The following CHST15 variants were observed in gnomAD, a reference collection of about 807,000 sequenced individuals.
CHST15 encodes B cell RAG associated protein (GALNAC4S-6ST).
CHST15 carries 30 observed loss-of-function variants against 53.6 expected under a neutral mutation model. The ratio of observed to expected loss-of-function variants is 0.56; its 90% CI spans 0.42 to 0.76. The LOEUF (loss-of-function observed/expected upper bound fraction) is 0.76. CHST15 is among the 30% of genes least tolerant of loss of function. The pLI is 0.00. For synonymous variants in CHST15, 296 were observed against 289.8 expected (o/e 1.02, Z -0.22); for missense variants, 627 against 740.5 (o/e 0.85, Z 1.78).
intron 1 of CHST15, among the ~76,000 whole-genome samples, chr10:124,091,745 C>T (rs1301593313): frequency 6.6e-6 from 1 of 152,288 alleles, no homozygotes; most frequent in African/African-American, 2.4e-5. Context: ...CGCACGCAGG[C>T]AGACGAAGAA....
At chr10:124,037,978 A>T (rs563371050) in intron 5 of CHST15, among the ~76,000 whole-genome samples, 3 of 152,268 alleles carry the variant, frequency 2.0e-5, no homozygotes, top group Non-Finnish European at 4.4e-5. Flanking sequence ...CACACAGACC[A>T]GGATCAGAAT....
At chr10:124,035,092 A>ATCCCTAACAGGGACCCCGGCTCCGC (rs1947412849) in intron 5 of CHST15, among the ~76,000 whole-genome samples, 1 of 88,282 alleles carries the variant, frequency 1.1e-5, no homozygotes, top group East Asian at 5.7e-4. Context: ...CGCCGGCTCC[A>ATCCCTAACAGGGACCCCGGCTCCGC]CCCCTAACAG....
At chr10:124,031,127 T>C (rs776863381) in intron 5 of CHST15, among the ~76,000 whole-genome samples, 20 of 152,186 alleles carry the variant, frequency 1.3e-4, no homozygotes, top group Non-Finnish European at 2.5e-4. Flanking sequence ...TGTCCAATGA[T>C]GGGTGGATGG....
chr10:124,021,225 C>T, intron 6 of CHST15, 31 bp downstream of exon 6: 2 of 497,550 alleles, frequency 4.0e-6, no homozygotes, highest in Non-Finnish European at 6.5e-6. Flanking sequence ...CAGGGGCCAG[C>T]TCGGGGGGTA....
intron 5 of CHST15, among the ~76,000 whole-genome samples, chr10:124,027,599 T>G (rs1417457630): frequency 6.6e-6 from 1 of 152,186 alleles, no homozygotes; most frequent in Non-Finnish European, 1.5e-5. Flanking sequence ...GTACCTGCAA[T>G]GTTCTCAGTT....
intron 6 of CHST15, among the ~76,000 whole-genome samples, chr10:124,018,962 G>A (rs771893556): frequency 2.6e-4 from 39 of 152,306 alleles, no homozygotes; most frequent in African/African-American, 7.5e-4. Context: ...AACCCAGTCC[G>A]CGAGCACGTT....
chr10:124,065,771 C>T (rs1360099299), intron 1 of CHST15, among the ~76,000 whole-genome samples: 1 of 152,180 alleles, frequency 6.6e-6, no homozygotes, highest in Non-Finnish European at 1.5e-5. Context: ...TACCTGTGGC[C>T]AGAAGTCTTG....
intron 6 of CHST15, chr10:124,020,477 C>A (rs1478729740): frequency 2.0e-6 from 2 of 985,412 alleles, no homozygotes; most frequent in Non-Finnish European, 2.4e-6. Context: ...GATCCCACGG[C>A]CTCTGTAGTA....
intron 5 of CHST15, among the ~76,000 whole-genome samples, chr10:124,035,241 TC>T (rs1947432645): frequency 2.7e-5 from 1 of 37,618 alleles, no homozygotes; most frequent in Non-Finnish European, 5.3e-5. Context: ...CCTGGCTTCA[TC>T]CCCTAACAGG....
At chr10:124,034,562 G>C (rs1423415171) in intron 5 of CHST15, among the ~76,000 whole-genome samples, 6 of 150,316 alleles carry the variant, frequency 4.0e-5, no homozygotes, top group Non-Finnish European at 7.4e-5. Flanking sequence ...CCCTAACAGG[G>C]ACCCTGGCTT....
Position 124,057,377 on chromosome 10 carries a change from T to A in CHST15, c.-512-10653A>T, listed in dbSNP as rs1428856308. Among the ~76,000 whole-genome samples the A allele has an allele frequency of 2.0e-5, 3 of 152,006 alleles. No individual in the cohort carries two copies. The South Asian group carries it at 6.2e-4, about 32-fold the overall frequency. On this transcript the variant is annotated intron_variant, in intron 1 of 7. Transcript: ENST00000435907. ...TAATTAATCCAAAAGAGACACAGGG[T>A]TTTCTCCAGATTAGTGGCCCACGCA...
chr10:124,092,873 A>C (rs1264322877), intron 1 of CHST15, among the ~76,000 whole-genome samples: 1 of 152,160 alleles, frequency 6.6e-6, no homozygotes, highest in Non-Finnish European at 1.5e-5. Flanking sequence ...CGGCTCCCAG[A>C]GCTGGGCGGT....
At chr10:124,064,654 AC>A (rs1249534679) in intron 1 of CHST15, among the ~76,000 whole-genome samples, 1 of 140,180 alleles carries the variant, frequency 7.1e-6, no homozygotes, top group East Asian at 2.2e-4. Context: ...CATCCCCCCA[AC>A]CCCACCCCCG....
rs1590172242 is a variant in CHST15 at position 124,012,414 on chromosome 10, G to T, written c.1414C>A (p.Gln472Lys). Residue 472 changes from glutamine to lysine, a missense_variant, in exon 7 of 8, where the codon CAG becomes AAG. Physicochemically the swap from Gln to Lys is moderately conservative, Grantham distance 53 (BLOSUM62 1). Coordinates refer to ENST00000435907, the MANE Select transcript of CHST15 (RefSeq NM_001270764.2). ...LDWLSVFDKQ[Q>K]FLILRLEDHA... is the part of the protein sequence containing the mutation. ...TCTTCCAGGCGAAGAATGAGAAACT[G>T]TTGCTTGTCAAAAACGCTGAGCCAG... The T allele has an allele frequency of 6.2e-7, 1 of 1,614,034 alleles. No homozygotes were observed. Among genetic ancestry groups the T allele is most frequent in the East Asian group, 2.2e-5 (1 of 44,898 alleles).
At chr10:124,022,438 G>A (rs1265848429) in intron 5 of CHST15, among the ~76,000 whole-genome samples, 4 of 152,164 alleles carry the variant, frequency 2.6e-5, no homozygotes, top group Non-Finnish European at 4.4e-5. Flanking sequence ...TCTTCAGCCC[G>A]TTTCTGCCTA....
Position 124,036,643 on chromosome 10 carries a change from T to C in CHST15, c.1190+1872A>G, listed in dbSNP as rs1041418077. On this transcript the variant is annotated intron_variant, in intron 5 of 7. Coordinates refer to ENST00000435907, the MANE Select transcript of CHST15 (RefSeq NM_001270764.2). The surrounding 1 kb of genome is among the most constrained non-coding windows in gnomAD (Gnocchi z 5.1). ...AAGTGAAAGAAGCAGGACATAAGAC[T>C]GTCCTGTCACACCCATGTGCACACA... is the stretch of plus-strand genomic sequence containing the variant. Among the ~76,000 whole-genome samples, 1 of 150,082 alleles carries C rather than the reference T, an allele frequency of 6.7e-6. No individual in the cohort carries two copies. Among genetic ancestry groups the C allele is most frequent in the Non-Finnish European group, 1.5e-5 (1 of 67,796 alleles).
At chr10:124,025,710 C>T (rs562548958) in intron 5 of CHST15, among the ~76,000 whole-genome samples, 5 of 152,082 alleles carry the variant, frequency 3.3e-5, no homozygotes, top group African/African-American at 4.8e-5. Context: ...GATCTTAAGA[C>T]GAGATCCTCC....
At chr10:124,065,508 A>G (rs1948725933) in intron 1 of CHST15, among the ~76,000 whole-genome samples, 1 of 152,200 alleles carries the variant, frequency 6.6e-6, no homozygotes, top group Non-Finnish European at 1.5e-5. Flanking sequence ...GTTGTCACCC[A>G]ACCCTGCTGT....
intron 1 of CHST15, among the ~76,000 whole-genome samples, chr10:124,056,502 G>A (rs924294480): frequency 3.9e-5 from 6 of 152,218 alleles, no homozygotes; most frequent in African/African-American, 1.2e-4. Flanking sequence ...AGGGATGGGG[G>A]AACGGAGATG....
Sources: gnomAD v4.1 joint callset for allele counts (sites outside exome capture counted in the v4.1 genomes callset) on GRCh38, gnomAD v4.1.1 for gene constraint, Gnocchi (gnomAD v3.1) non-coding constraint, MANE v1.5 for transcripts, NCBI Gene and HGNC (gene_info 2026-07-23, HGNC 2026-07-21) for gene names.